Variants in RASGEF1C observed in about 807,000 individuals in gnomAD.
RASGEF1C encodes ras-GEF domain-containing family member 1C.
A neutral mutation model predicts 58.1 loss-of-function variants in RASGEF1C; 27 were observed. That is an observed-to-expected ratio of 0.46 (90% confidence interval 0.34 to 0.64). The LOEUF is 0.64. RASGEF1C is among the 30% of genes least tolerant of loss of function. The pLI, the probability that RASGEF1C is intolerant of heterozygous loss-of-function variation, is 0.01. For missense variants in RASGEF1C, 502 were observed against 605.1 expected, an observed-to-expected ratio of 0.83 and a Z score of 1.79; for synonymous variants, 243 against 246.3, an observed-to-expected ratio of 0.99 and a Z score of 0.13.
At chr5:180,144,878 A>G (rs1477988004) in intron 1 of RASGEF1C, among the ~76,000 whole-genome samples, 1 of 152,140 alleles carries the variant, frequency 6.6e-6, no homozygotes, top group Non-Finnish European at 1.5e-5. Context: ...CATTCTGGGT[A>G]CCTTATATAA....
At chr5:180,111,617 C>T in intron 11 of RASGEF1C, 37 bp from the exon 12 acceptor site, 4 of 1,612,930 alleles carry the variant, frequency 2.5e-6, no homozygotes, top group Non-Finnish European at 3.4e-6. Context: ...GGAGGCACTC[C>T]AGTGCCTGGA....
chr5:180,149,584 T>G (rs1005282982), intron 1 of RASGEF1C, among the ~76,000 whole-genome samples: 8 of 151,736 alleles, frequency 5.3e-5, no homozygotes, highest in African/African-American at 1.9e-4. Context: ...GCCTCCCAAG[T>G]AGCTGGGACT....
chr5:180,205,816 T>G (rs952955964), intron 1 of RASGEF1C, among the ~76,000 whole-genome samples: 1 of 151,984 alleles, frequency 6.6e-6, no homozygotes, highest in Non-Finnish European at 1.5e-5. Flanking sequence ...CACTGCAAAA[T>G]CTGCCTCCCA....
chr5:180,157,787 A>G (rs1362849448), intron 1 of RASGEF1C, among the ~76,000 whole-genome samples: 2 of 152,144 alleles, frequency 1.3e-5, no homozygotes, highest in Non-Finnish European at 2.9e-5. Context: ...CAGTAGAAAG[A>G]CCAATGGTTT....
At chr5:180,199,984 G>A (rs1327582719) in intron 1 of RASGEF1C, among the ~76,000 whole-genome samples, 2 of 152,148 alleles carry the variant, frequency 1.3e-5, no homozygotes, top group South Asian at 2.1e-4. Context: ...AAATCGGGTC[G>A]GACGTGGTGG....
chr5:180,128,944 C>A (rs1307955746), intron 4 of RASGEF1C, among the ~76,000 whole-genome samples: 2 of 152,208 alleles, frequency 1.3e-5, no homozygotes, highest in Non-Finnish European at 2.9e-5. Context: ...TGGGCACGGC[C>A]AGGAAGCCAG....
At chr5:180,167,349 T>A (rs1024129545) in intron 1 of RASGEF1C, among the ~76,000 whole-genome samples, 1 of 152,176 alleles carries the variant, frequency 6.6e-6, no homozygotes, top group African/African-American at 2.4e-5. Context: ...TCCATTCTGC[T>A]ATTAAGTCCA....
At chr5:180,140,214 C>T (rs1766553628) in intron 1 of RASGEF1C, among the ~76,000 whole-genome samples, 1 of 152,196 alleles carries the variant, frequency 6.6e-6, no homozygotes, top group African/African-American at 2.4e-5. Flanking sequence ...TTGTGACCCA[C>T]AGGGATGCCC....
chr5:180,185,019 G>C (rs1173283383), intron 1 of RASGEF1C, among the ~76,000 whole-genome samples: 1 of 152,194 alleles, frequency 6.6e-6, no homozygotes, highest in Non-Finnish European at 1.5e-5. Context: ...AGGGCCAGGG[G>C]CGGTGGCTCA....
At position 180,137,029 on chromosome 5, in the gene RASGEF1C, C is replaced by A. The variant is rs1190240476; in HGVS notation, c.301-514G>T. Among the ~76,000 whole-genome samples, 1 of 152,120 alleles carries A rather than the reference C, an allele frequency of 6.6e-6. No homozygotes were observed. Among genetic ancestry groups the A allele is most frequent in the South Asian group, 2.1e-4 (1 of 4,832 alleles). On this transcript the variant is annotated intron_variant, in intron 3 of 13. Coordinates refer to ENST00000361132, the MANE Select transcript of RASGEF1C (RefSeq NM_175062.4). This position sits in a 1 kb window ranked among gnomAD's most constrained non-coding sequence, Gnocchi z 4.1. ...CGGCCAAGCGCCACACCAGCCAGCC[C>A]GAGGGAGGCCAGCCCCGGGAAGCGG... is the stretch of plus-strand genomic sequence containing the variant.
intron 3 of RASGEF1C, chr5:180,136,761 G>A (rs1167298986): frequency 2.2e-5 from 12 of 549,708 alleles, no homozygotes; most frequent in Non-Finnish European, 3.9e-5. Context: ...CATCCTCCCT[G>A]GTGAGTCTTC....
At chr5:180,102,800 T>C (rs1050711710) in intron 12 of RASGEF1C, among the ~76,000 whole-genome samples, 5 of 152,210 alleles carry the variant, frequency 3.3e-5, no homozygotes, top group African/African-American at 1.2e-4. Context: ...TTAACGACCA[T>C]AGCGCTATCA....
At chr5:180,130,486 A>G (rs1446621263) in intron 4 of RASGEF1C, among the ~76,000 whole-genome samples, 1 of 152,190 alleles carries the variant, frequency 6.6e-6, no homozygotes, top group Non-Finnish European at 1.5e-5. Context: ...TCTCCCAGGC[A>G]AAGCCAGAGT....
chr5:180,112,771 T>C (rs1490437987), intron 11 of RASGEF1C, among the ~76,000 whole-genome samples: 1 of 152,168 alleles, frequency 6.6e-6, no homozygotes, highest in Non-Finnish European at 1.5e-5. Context: ...GAGGTCAGGA[T>C]ACGGAGCGGG....
chr5:180,164,220 C>T (rs560489911), intron 1 of RASGEF1C, among the ~76,000 whole-genome samples: 8 of 152,270 alleles, frequency 5.3e-5, no homozygotes, highest in East Asian at 1.9e-4. Flanking sequence ...TTTTCAACAT[C>T]GTTGATATTT....
At chr5:180,153,318 G>A (rs1457037382) in intron 1 of RASGEF1C, among the ~76,000 whole-genome samples, 1 of 152,194 alleles carries the variant, frequency 6.6e-6, no homozygotes, top group Non-Finnish European at 1.5e-5. Context: ...CACAGGCTGT[G>A]TGTAAGCTGT....
intron 1 of RASGEF1C, among the ~76,000 whole-genome samples, chr5:180,179,057 G>A (rs1767277997): frequency 6.6e-6 from 1 of 152,262 alleles, no homozygotes; most frequent in South Asian, 2.1e-4. Context: ...GTCCTGCAGC[G>A]TCTCTGCCTG....
At chr5:180,140,723 T>C (rs1766561809) in intron 1 of RASGEF1C, among the ~76,000 whole-genome samples, 1 of 152,134 alleles carries the variant, frequency 6.6e-6, no homozygotes, top group Admixed American at 6.5e-5. Context: ...AGCCAGCTCC[T>C]CCTCCCTCCA....
At chr5:180,165,674 A>AC (rs1767010100) in intron 1 of RASGEF1C, among the ~76,000 whole-genome samples, 1 of 93,924 alleles carries the variant, frequency 1.1e-5, no homozygotes, top group Admixed American at 9.6e-5. Flanking sequence ...CTGTCTCAAA[A>AC]AAAAAAAAAA....
Sources: gnomAD v4.1 joint callset for allele counts (sites outside exome capture counted in the v4.1 genomes callset) on GRCh38, gnomAD v4.1.1 for gene constraint, Gnocchi (gnomAD v3.1) non-coding constraint, MANE v1.5 for transcripts, NCBI Gene and HGNC (gene_info 2026-07-23, HGNC 2026-07-21) for gene names.